PTDSS2: variants seen among roughly 807,000 people sequenced by gnomAD.
The protein encoded by PTDSS2 is phosphatidylserine synthase 2, also known as PSS-2.
A neutral mutation model predicts 64.7 loss-of-function variants in PTDSS2; 41 were observed. The ratio of observed to expected loss-of-function variants is 0.63; its 90% CI spans 0.49 to 0.82. PTDSS2 has a LOEUF of 0.82. Among genes scored for constraint, PTDSS2 ranks in the 40% least tolerant of loss-of-function variants. The pLI is 0.00. For synonymous variants in PTDSS2, 297 were observed against 277.8 expected, an observed-to-expected ratio of 1.07 and a Z score of -0.69; for missense variants, 485 against 650.0, an observed-to-expected ratio of 0.75 and a Z score of 2.76.
intron 6 of PTDSS2, among the ~76,000 whole-genome samples, chr11:487,726 GC>G (rs1848458792): frequency 6.6e-6 from 1 of 152,238 alleles, no homozygotes. Context: ...TCCCGCCCCT[GC>G]CTGGGCTTGG....
At chr11:472,217 C>T (rs1049851245) in intron 2 of PTDSS2, among the ~76,000 whole-genome samples, 2 of 152,142 alleles carry the variant, frequency 1.3e-5, no homozygotes, top group Non-Finnish European at 2.9e-5. Context: ...GGTAGGGGGA[C>T]GTTTTACTGT....
chr11:489,772 G>C (rs761378991), intron 10 of PTDSS2, 39 bp downstream of exon 10: 1 of 1,592,946 alleles, frequency 6.3e-7, no homozygotes, highest in East Asian at 2.3e-5. Flanking sequence ...CACCCCCGGG[G>C]GGCAGGGGCC....
chr11:487,742 T>C (rs1056875945), intron 6 of PTDSS2, among the ~76,000 whole-genome samples: 1 of 152,224 alleles, frequency 6.6e-6, no homozygotes, highest in Non-Finnish European at 1.5e-5. Flanking sequence ...GCTTGGGCAC[T>C]GCCCCATCCC....
intron 1 of PTDSS2, chr11:451,279 C>T (rs1846315323): frequency 2.5e-6 from 1 of 395,726 alleles, no homozygotes; most frequent in Non-Finnish European, 5.3e-6. Flanking sequence ...CCCTGTCCGC[C>T]ACTCTGCCTT....
intron 1 of PTDSS2, among the ~76,000 whole-genome samples, chr11:455,870 A>G (rs1846565756): frequency 6.6e-6 from 1 of 152,242 alleles, no homozygotes; most frequent in Non-Finnish European, 1.5e-5. Flanking sequence ...AGGAAGGCTC[A>G]GGAACGCAGG....
chr11:485,977 CG>C (rs1359089993), intron 4 of PTDSS2, among the ~76,000 whole-genome samples: 1 of 119,168 alleles, frequency 8.4e-6, no homozygotes, highest in Non-Finnish European at 1.7e-5. Context: ...GTGTGCTCAC[CG>C]TGCGCGCAGG....
Position 450,953 on chromosome 11 carries a change from G to C in PTDSS2, c.182+316G>C, listed in dbSNP as rs148186204. Among the ~76,000 whole-genome samples, 206 of 151,016 alleles carry C rather than the reference G, an allele frequency of 1.4e-3. No homozygotes were observed. In the Middle Eastern group the frequency reaches 0.014, roughly 10 times the overall value. ...CTTGGCTCTGACCGCGCGGTTCTGC[G>C]ATCCAGACCCCTTCCCCGCCACCCG... On this transcript the variant is annotated intron_variant, in intron 1 of 11. Transcript: ENST00000308020.
At chr11:488,342 C>A in intron 7 of PTDSS2, 30 bp downstream of exon 7, 2 of 1,562,624 alleles carry the variant, frequency 1.3e-6, no homozygotes, top group Non-Finnish European at 1.8e-6. Flanking sequence ...CCGGGGCAGT[C>A]GGTGCAGGCT....
Position 471,819 on chromosome 11 carries a change from C to G in PTDSS2, c.285-2076C>G, listed in dbSNP as rs1308140281. 6.6e-5 allele frequency among the ~76,000 whole-genome samples: 9 copies of G among 136,118 alleles called. No individual in the cohort carries two copies. The Admixed American group carries it at 6.7e-4, about 10-fold the overall frequency. The allele number at this position is 136,118 out of a possible 152,430, so 89.3% of individuals were successfully genotyped here. On this transcript the variant is annotated intron_variant, in intron 2 of 11. Transcript: ENST00000308020. ...GGCCTGGGGTGACGTGGATGGCGGCCTGGGGTGACGCGGATGGTGGCCTGG... is the reference window on the plus strand; with the variant it reads ...GGCCTGGGGTGACGTGGATGGCGGCGTGGGGTGACGCGGATGGTGGCCTGG...
chr11:486,617 C>T (rs938054120), intron 4 of PTDSS2, among the ~76,000 whole-genome samples: 11 of 151,814 alleles, frequency 7.2e-5, no homozygotes, highest in African/African-American at 2.7e-4. Context: ...CCGAAGTGGG[C>T]GGATCACGAG....
Position 460,291 on chromosome 11 carries a change from A to C in PTDSS2, c.284+3A>C. The C allele has an allele frequency of 6.2e-7, 1 of 1,611,074 alleles. No individual in the cohort carries two copies. Among genetic ancestry groups the C allele is most frequent in the Non-Finnish European group, 8.5e-7 (1 of 1,177,252 alleles). The stretch of plus-strand genomic sequence containing the variant: ...GACACGGCCTACAACACCAAGAGGT[A>C]AGCTGCCCTCTTGTCCTGCCTTCTG... On this transcript the variant is annotated splice_donor_region_variant and intron_variant, in intron 2 of 11. Coordinates refer to ENST00000308020, the MANE Select transcript of PTDSS2 (RefSeq NM_030783.3). The surrounding 1 kb of genome is among the most constrained non-coding windows in gnomAD (Gnocchi z 5.8).
At chr11:468,263 TG>T (rs758261564) in intron 2 of PTDSS2, among the ~76,000 whole-genome samples, 5 of 152,264 alleles carry the variant, frequency 3.3e-5, no homozygotes, top group Non-Finnish European at 7.3e-5. Context: ...GATGACCTTC[TG>T]GAAGAGGCAA....
chr11:471,552 G>A (rs895034708), intron 2 of PTDSS2, among the ~76,000 whole-genome samples: 1 of 152,246 alleles, frequency 6.6e-6, no homozygotes, highest in Non-Finnish European at 1.5e-5. Context: ...CCGGCCTGGG[G>A]TGACGCACGC....
intron 6 of PTDSS2, among the ~76,000 whole-genome samples, 162 bp from the exon 7 acceptor site, chr11:488,037 C>T (rs1848478680): frequency 7.3e-6 from 1 of 136,984 alleles, no homozygotes; most frequent in African/African-American, 2.9e-5. Flanking sequence ...GTCCCATACT[C>T]TGGCTGCCAG....
intron 2 of PTDSS2, among the ~76,000 whole-genome samples, chr11:472,280 GTGGGGCCT>G (rs2133799071): frequency 6.6e-6 from 1 of 152,318 alleles, no homozygotes; most frequent in African/African-American, 2.4e-5. Context: ...CACAGCTGAG[GTGGGGCCT>G]ATGTCTGGCT....
At chr11:485,582 G>A (rs1163944296) in intron 4 of PTDSS2, among the ~76,000 whole-genome samples, 1 of 81,244 alleles carries the variant, frequency 1.2e-5, no homozygotes, top group Non-Finnish European at 2.3e-5. Flanking sequence ...GTGCGCAGGC[G>A]TGTAAACTGC....
rs2133741877 is a variant in PTDSS2 at position 450,466 on chromosome 11, G to A, written c.11G>A (p.Gly4Asp). Residue 4 changes from glycine to aspartate, a missense_variant, in exon 1 of 12, where the codon GGC becomes GAC. Gly to Asp is a moderately conservative substitution (Grantham distance 94). Around this residue, in one of 3 missense-constraint regions of PTDSS2, gnomAD observed 251 missense variants for 348.0 expected, o/e 0.72. Transcript: ENST00000308020. ...CCGGGCCGAAACGCCATGCGGAGGGGCGAGCGCAGGGACGCCGGAGGTCCG... is the reference window on the plus strand; with the variant it reads ...CCGGGCCGAAACGCCATGCGGAGGGACGAGCGCAGGGACGCCGGAGGTCCG... MRR[G>D]ERRDAGGPRP... is the part of the protein sequence containing the mutation. The A allele has an allele frequency of 8.1e-7, 1 of 1,229,866 alleles. No individual in the cohort carries two copies. Among genetic ancestry groups the A allele is most frequent in the South Asian group, 4.1e-5 (1 of 24,282 alleles). 76.2% of individuals were successfully genotyped at this position (1,229,866 alleles called of 1,614,324 possible). A position where few individuals can be genotyped will look rare whatever the true frequency, so the allele number is the denominator to read the frequency against.
intron 2 of PTDSS2, among the ~76,000 whole-genome samples, chr11:465,988 G>A (rs1417755086): frequency 6.6e-6 from 1 of 152,126 alleles, no homozygotes; most frequent in South Asian, 2.1e-4. Context: ...GGAACGAAAA[G>A]GTGAGCCACA....
In PTDSS2 at chr11:461,614, C is replaced by A. The variant is rs1007943218; in HGVS notation, c.284+1326C>A. Among the ~76,000 whole-genome samples the A allele has an allele frequency of 6.6e-6, 1 of 152,212 alleles. No homozygotes were observed. The highest frequency in any genetic ancestry group is 1.5e-5 in the Non-Finnish European group (1 of 68,036). On this transcript the variant is annotated intron_variant, in intron 2 of 11. Transcript: ENST00000308020. The surrounding 1 kb of genome is among the most constrained non-coding windows in gnomAD (Gnocchi z 4.2). ...TCTCCCACCTTGCTGTCATCCCTCT[C>A]CCAGTCAGCTTTGCTGGCCCTTCCC...
Sources: gnomAD v4.1 joint callset for allele counts (sites outside exome capture counted in the v4.1 genomes callset) on GRCh38, gnomAD v4.1.1 for gene constraint, gnomAD v4.1.1 regional missense constraint, Gnocchi (gnomAD v3.1) non-coding constraint, MANE v1.5 for transcripts, NCBI Gene and HGNC (gene_info 2026-07-23, HGNC 2026-07-21) for gene names.